CCDC83: variants seen among roughly 807,000 people sequenced by gnomAD.
CCDC83 encodes the protein coiled-coil domain-containing protein 83.
A neutral mutation model predicts 50.1 loss-of-function variants in CCDC83; 54 were observed. The observed-to-expected ratio is 1.08, with a 90% CI of 0.87 to 1.35. The LOEUF (loss-of-function observed/expected upper bound fraction) is 1.35, where lower values mean the gene tolerates loss of function less well. CCDC83 is among the 40% of genes most tolerant of loss of function. CCDC83 has a pLI of 0.00. For synonymous variants in CCDC83, 161 were observed against 153.3 expected (o/e 1.05, Z -0.37); for missense variants, 518 against 473.9 (o/e 1.09, Z -0.86).
At chr11:85,886,477 C>G in intron 5 of CCDC83, 110 bp downstream of exon 5, 1 of 807,832 alleles carries the variant, frequency 1.2e-6, no homozygotes, top group Non-Finnish European at 1.8e-6. Context: ...ACTCTGCTGT[C>G]AGCACAAGCA....
intron 7 of CCDC83, among the ~76,000 whole-genome samples, chr11:85,904,566 A>G (rs143879747): frequency 3.3e-5 from 5 of 152,336 alleles, no homozygotes; most frequent in African/African-American, 1.2e-4. Context: ...AGTTCTTGTT[A>G]ATGAGTTATT....
At chr11:85,917,171 A>AG (rs1256928438) in intron 10 of CCDC83, among the ~76,000 whole-genome samples, 35 of 88,800 alleles carry the variant, frequency 3.9e-4, no homozygotes, top group African/African-American at 1.3e-3. Flanking sequence ...AGAGAGAGAA[A>AG]GAAAGAAAGA....
At chr11:85,889,768 C>T (rs113801048) in intron 5 of CCDC83, among the ~76,000 whole-genome samples, 2,621 of 152,278 alleles carry the variant, frequency 0.017, 70 homozygotes, top group African/African-American at 0.058. Context: ...GGCTGCTTTA[C>T]ATGCAAGGAA....
rs139415932 is a variant in CCDC83 at position 85,862,639 on chromosome 11, C to A, written c.-28-2457C>A. Among the ~76,000 whole-genome samples the A allele has an allele frequency of 5.4e-4, 82 of 152,168 alleles. 2 individuals carry two copies. The East Asian group carries it at 0.015, about 28-fold the overall frequency. On this transcript the variant is annotated intron_variant, in intron 1 of 10. Coordinates refer to ENST00000342404, the MANE Select transcript of CCDC83 (RefSeq NM_001286159.2). ...TATTTGTCAGATATTCTAAGTGTAA[C>A]CTTCCTGGAAGATAATTGCTTTTAC...
chr11:85,916,025 AAGAAG>A lies in CCDC83; in HGVS notation c.878_882del (p.Glu293ValfsTer11). ...ATAATTAATTCCTTTGTATTTATCC[AAGAAG>A]AGAAGTCAGAATTGCAACCCACAGA... On this transcript the variant is annotated splice_acceptor_variant and coding_sequence_variant, in exon 10 of 11. Transcript: ENST00000342404. LOFTEE classifies it high-confidence loss of function. 2.5e-6 allele frequency: 4 copies of A among 1,590,776 alleles called. No homozygotes were observed. The East Asian group carries it at 9.0e-5, about 36-fold the overall frequency.
At chr11:85,912,704 C>T in intron 8 of CCDC83, 1 of 1,611,950 alleles carries the variant, frequency 6.2e-7, no homozygotes. Context: ...GCTGCTGCTG[C>T]CTTTGGAATC....
At chr11:85,905,357 G>A (rs1002013277) in intron 7 of CCDC83, among the ~76,000 whole-genome samples, 2 of 150,870 alleles carry the variant, frequency 1.3e-5, no homozygotes, top group South Asian at 4.2e-4. Flanking sequence ...CAGGAGAATT[G>A]CTTGAACCCA....
chr11:85,859,407 C>G (rs1447388618), intron 1 of CCDC83, among the ~76,000 whole-genome samples: 1 of 152,100 alleles, frequency 6.6e-6, no homozygotes, highest in East Asian at 1.9e-4. Flanking sequence ...ATCACACTAC[C>G]CAACTTCAAA....
chr11:85,909,197 G>A (rs2093440862), intron 7 of CCDC83, among the ~76,000 whole-genome samples: 1 of 152,102 alleles, frequency 6.6e-6, no homozygotes, highest in South Asian at 2.1e-4. Flanking sequence ...GTAACATATT[G>A]AATGCTTTAA....
In CCDC83 at chr11:85,919,959, C is replaced by G. The variant is rs574727039; in HGVS notation, c.*449C>G. The G allele has an allele frequency of 3.5e-5, 6 of 170,304 alleles. No homozygotes were observed. In the South Asian group the frequency reaches 9.3e-4, roughly 26 times the overall value. The allele number at this position is 170,304 out of a possible 1,614,324, so 10.5% of individuals were successfully genotyped here. A position where few individuals can be genotyped will look rare whatever the true frequency, so the allele number is the denominator to read the frequency against. ...CAAGCCAATTCTCCGTAGTTTAACC[C>G]TGTGTATTAGTCTGTTCTCATGCTG... On this transcript the variant is annotated 3_prime_UTR_variant, in exon 11 of 11. Transcript: ENST00000342404.
At chr11:85,881,391 T>C (rs2093299699) in intron 3 of CCDC83, among the ~76,000 whole-genome samples, 1 of 151,682 alleles carries the variant, frequency 6.6e-6, no homozygotes, top group African/African-American at 2.4e-5. Context: ...AAAAAAAAGT[T>C]TCAGATTTTA....
At chr11:85,898,510 T>C (rs2093385653) in intron 6 of CCDC83, among the ~76,000 whole-genome samples, 1 of 152,234 alleles carries the variant, frequency 6.6e-6, no homozygotes, top group Non-Finnish European at 1.5e-5. Flanking sequence ...GATTTACAAA[T>C]AAGTACGTTG....
chr11:85,888,142 G>C (rs923667627), intron 5 of CCDC83, among the ~76,000 whole-genome samples: 3 of 152,008 alleles, frequency 2.0e-5, no homozygotes, highest in African/African-American at 7.3e-5. Flanking sequence ...AAATATTCTT[G>C]TATTTATGTC....
intron 3 of CCDC83, among the ~76,000 whole-genome samples, chr11:85,874,884 C>A (rs1039415714): frequency 1.3e-5 from 2 of 152,244 alleles, no homozygotes; most frequent in Non-Finnish European, 2.9e-5. Flanking sequence ...CCTTCAAAAT[C>A]TGACCCCTGT....
chr11:85,895,270 T>TTC lies in CCDC83; in HGVS notation c.512-22_512-21insCT. 5 of 704,318 alleles carry TTC rather than the reference T, an allele frequency of 7.1e-6. No individual in the cohort carries two copies. In the South Asian group the frequency reaches 7.9e-5, roughly 11 times the overall value. The allele number at this position is 704,318 out of a possible 1,614,324, so 43.6% of individuals were successfully genotyped here. On this transcript the variant is annotated intron_variant, in intron 5 of 10. Coordinates refer to ENST00000342404, the MANE Select transcript of CCDC83 (RefSeq NM_001286159.2). ...TGATAAGGCTTTTAATTTTCTTTTT[T>TTC]TTTTTTTTTTTTTTTTTTAAAGAAC...
chr11:85,899,298 C>A (rs1401762372), intron 7 of CCDC83, among the ~76,000 whole-genome samples: 1 of 152,186 alleles, frequency 6.6e-6, no homozygotes, highest in Non-Finnish European at 1.5e-5. Flanking sequence ...TCCTCATGAG[C>A]CTGCTTCCTC....
intron 1 of CCDC83, among the ~76,000 whole-genome samples, chr11:85,863,166 T>C (rs2153682052): frequency 6.6e-6 from 1 of 152,370 alleles, no homozygotes; most frequent in East Asian, 1.9e-4. Flanking sequence ...TGGTTTTAAC[T>C]TTTAAATATT....
intron 7 of CCDC83, among the ~76,000 whole-genome samples, chr11:85,910,692 G>T (rs1177757968): frequency 6.6e-6 from 1 of 152,146 alleles, no homozygotes; most frequent in South Asian, 2.1e-4. Flanking sequence ...GGTACAAAAG[G>T]ACAATTCCTG....
intron 7 of CCDC83, among the ~76,000 whole-genome samples, chr11:85,904,923 T>TAA (rs112784682): frequency 0.017 from 2,556 of 152,330 alleles, 82 homozygotes; most frequent in African/African-American, 0.057. Context: ...ATTGTCATTA[T>TAA]TAAGTCATGG....
Sources: allele counts gnomAD v4.1 joint callset (sites outside exome capture counted in the v4.1 genomes callset), GRCh38; gene constraint gnomAD v4.1.1; transcripts MANE v1.5; gene names NCBI Gene and HGNC (gene_info 2026-07-23, HGNC 2026-07-21).